PLCE1: variants seen among roughly 807,000 people sequenced by gnomAD.
PLCE1 encodes 1-phosphatidylinositol 4,5-bisphosphate phosphodiesterase epsilon-1.
PLCE1 carries 119 observed loss-of-function variants against 242.8 expected under a neutral mutation model. The ratio of observed to expected loss-of-function variants is 0.49; its 90% CI spans 0.42 to 0.57. The LOEUF is 0.57. PLCE1 is among the 20% of genes least tolerant of loss of function. The pLI, the probability that PLCE1 is intolerant of heterozygous loss-of-function variation, is 0.00. For missense variants in PLCE1, 2,441 were observed against 2,788.8 expected (o/e 0.88, Z 2.81); for synonymous variants, 945 against 1,017.4 (o/e 0.93, Z 1.35).
At chr10:94,235,062 T>TCA (rs3222767) in intron 6 of PLCE1, among the ~76,000 whole-genome samples, 60,415 of 135,334 alleles carry the variant, frequency 0.45, 13,801 homozygotes, top group Admixed American at 0.53. Context: ...TACTGACCTT[T>TCA]CACACACACA....
At chr10:94,287,610 G>A (rs753771860) in intron 22 of PLCE1, 3 of 151,906 alleles carry the variant, frequency 2.0e-5, no homozygotes, top group Non-Finnish European at 2.9e-5. Context: ...AGCTCCCAGG[G>A]GTGGGCTCTT....
intron 2 of PLCE1, chr10:94,088,206 A>C (rs1295884637): frequency 6.6e-6 from 1 of 152,240 alleles, no homozygotes; most frequent in African/African-American, 2.4e-5. Flanking sequence ...TCCACCCTAT[A>C]GGGTTGTTGT....
chr10:94,075,539 T>C (rs927178788), intron 2 of PLCE1, among the ~76,000 whole-genome samples: 5 of 152,258 alleles, frequency 3.3e-5, no homozygotes, highest in African/African-American at 9.6e-5. Context: ...ACTGCTGGCA[T>C]TCTGTTCTTT....
At chr10:94,165,075 C>T (rs950959160) in intron 3 of PLCE1, among the ~76,000 whole-genome samples, 13 of 152,342 alleles carry the variant, frequency 8.5e-5, no homozygotes, top group Middle Eastern at 3.4e-3. Flanking sequence ...TTAGGCTACT[C>T]GGGGGTCAGG....
chr10:94,235,909 T>G lies in PLCE1; in HGVS notation c.2215-6T>G, dbSNP rs2050306340. ...GCAATAGCAAATTCTCGATTTTTTT[T>G]TGTAGTTTGTAGCAGATTACAGTGG... On this transcript the variant is annotated splice_region_variant and splice_polypyrimidine_tract_variant and intron_variant, in intron 6 of 32. Coordinates refer to ENST00000371380, the MANE Select transcript of PLCE1 (RefSeq NM_016341.4). 6.2e-7 allele frequency: 1 copy of G among 1,612,288 alleles called. No homozygotes were observed.
chr10:94,080,450 T>C (rs1564669459), intron 2 of PLCE1, among the ~76,000 whole-genome samples: 2 of 152,234 alleles, frequency 1.3e-5, no homozygotes, highest in South Asian at 2.1e-4. Flanking sequence ...TACCATGAGA[T>C]TGGACATGCT....
intron 2 of PLCE1, 93 bp from the exon 3 acceptor site, chr10:94,132,081 T>A: frequency 7.9e-7 from 1 of 1,264,694 alleles, no homozygotes; most frequent in Non-Finnish European, 1.1e-6. Flanking sequence ...TGAGCCTTCT[T>A]TCTTAATAAG....
At chr10:94,297,325 G>A (rs1212114898) in intron 23 of PLCE1, among the ~76,000 whole-genome samples, 1 of 151,946 alleles carries the variant, frequency 6.6e-6, no homozygotes, top group Non-Finnish European at 1.5e-5. Flanking sequence ...AGGGCTGGTG[G>A]GTAGAGCAGT....
chr10:94,148,098 A>G (rs558848449), intron 3 of PLCE1, among the ~76,000 whole-genome samples: 1 of 152,312 alleles, frequency 6.6e-6, no homozygotes, highest in East Asian at 1.9e-4. Flanking sequence ...TTCTCTTCTA[A>G]GTTTCATCAT....
At chr10:94,186,988 C>T (rs1375317402) in intron 4 of PLCE1, among the ~76,000 whole-genome samples, 1 of 152,080 alleles carries the variant, frequency 6.6e-6, no homozygotes, top group African/African-American at 2.4e-5. Context: ...AGGTGGGAGC[C>T]ATGGCTTTAT....
At chr10:94,126,654 G>C (rs1435300272) in intron 2 of PLCE1, among the ~76,000 whole-genome samples, 1 of 152,184 alleles carries the variant, frequency 6.6e-6, no homozygotes, top group Non-Finnish European at 1.5e-5. Context: ...CCTATGTAGG[G>C]CAGTAGTCTG....
chr10:94,048,894 G>A (rs969217069), intron 2 of PLCE1, among the ~76,000 whole-genome samples: 5 of 151,046 alleles, frequency 3.3e-5, no homozygotes, highest in African/African-American at 4.9e-5. Flanking sequence ...TCAGCCTCCC[G>A]AGTAGCTGGG....
Position 94,031,558 on chromosome 10 carries a change from T to C in PLCE1, c.512T>C (p.Val171Ala), listed in dbSNP as rs2134495095. The C allele has an allele frequency of 6.2e-7, 1 of 1,612,340 alleles. No individual in the cohort carries two copies. The highest frequency in any genetic ancestry group is 8.5e-7 in the Non-Finnish European group (1 of 1,179,782). Residue 171 changes from valine (V) to alanine (A), a missense_variant, in exon 2 of 33, where the codon GTG becomes GCG. By Grantham distance (64) the Val-to-Ala change is moderately conservative (BLOSUM62 0). Around this residue, in one of 5 missense-constraint regions of PLCE1, gnomAD observed 393 missense variants for 378.5 expected, o/e 1.04. Coordinates refer to ENST00000371380, the MANE Select transcript of PLCE1 (RefSeq NM_016341.4). ...MGISPLGNQS[V>A]IIETGRAHPD... is the part of the protein sequence containing the mutation. Reference sequence around the variant, plus strand: ...ATTAGTCCTTTAGGAAATCAGTCAGTGATCATAGAGACAGGCAGAGCACAC... The same window carrying C: ...ATTAGTCCTTTAGGAAATCAGTCAGCGATCATAGAGACAGGCAGAGCACAC...
At chr10:94,103,140 T>C (rs1272853482) in intron 2 of PLCE1, among the ~76,000 whole-genome samples, 1 of 152,202 alleles carries the variant, frequency 6.6e-6, no homozygotes, top group Non-Finnish European at 1.5e-5. Context: ...TACTGTTTAT[T>C]AGGCGCTGAC....
rs1423720567 is a variant in PLCE1 at position 94,316,558 on chromosome 10, T to C, written c.6144T>C (p.Asn2048=). 27 of 1,606,124 alleles carry C rather than the reference T, an allele frequency of 1.7e-5. No homozygotes were observed. The highest frequency in any genetic ancestry group is 2.2e-5 in the Non-Finnish European group (26 of 1,174,482). ...CACTTTTTCTTTAGATTCTGACAAATGAACAAGACATCAAACCTGTTACCA... is the reference window on the plus strand; with the variant it reads ...CACTTTTTCTTTAGATTCTGACAAACGAACAAGACATCAAACCTGTTACCA... ...AKQLLQQILT[N]EQDIKPVTTD... Residue 2048 remains asparagine (N), a synonymous_variant, in exon 29 of 33, where the codon AAT becomes AAC. Coordinates refer to ENST00000371380, the MANE Select transcript of PLCE1 (RefSeq NM_016341.4).
chr10:94,271,992 G>T (rs142100579), intron 18 of PLCE1, among the ~76,000 whole-genome samples: 1 of 152,182 alleles, frequency 6.6e-6, no homozygotes, highest in African/African-American at 2.4e-5. Flanking sequence ...AGGATCACAT[G>T]CTTCTGAGGA....
At chr10:94,299,968 A>G (rs1003860238) in intron 24 of PLCE1, among the ~76,000 whole-genome samples, 6 of 152,202 alleles carry the variant, frequency 3.9e-5, no homozygotes, top group African/African-American at 1.4e-4. Context: ...AAATGGAAAT[A>G]ATTGTGAAAT....
intron 3 of PLCE1, among the ~76,000 whole-genome samples, chr10:94,137,363 A>G (rs1438590241): frequency 6.6e-6 from 1 of 152,210 alleles, no homozygotes; most frequent in Non-Finnish European, 1.5e-5. Context: ...TTTTCTTTTA[A>G]TGTTTTACCT....
At chr10:94,017,858 CAT>C (rs1431715420) in intron 1 of PLCE1, among the ~76,000 whole-genome samples, 1 of 152,086 alleles carries the variant, frequency 6.6e-6, no homozygotes, top group Non-Finnish European at 1.5e-5. Flanking sequence ...GATCATCAGA[CAT>C]AGGGGATCCA....
Sources: gnomAD v4.1 joint callset for allele counts (sites outside exome capture counted in the v4.1 genomes callset) on GRCh38, gnomAD v4.1.1 for gene constraint, gnomAD v4.1.1 regional missense constraint, MANE v1.5 for transcripts, NCBI Gene and HGNC (gene_info 2026-07-23, HGNC 2026-07-21) for gene names.